Variants in EGLN1 observed in about 807,000 individuals in gnomAD.
The protein encoded by EGLN1 is egl-9 family hypoxia inducible factor 1.
EGLN1 carries 17 observed loss-of-function variants against 38.3 expected under a neutral mutation model. The ratio of observed to expected loss-of-function variants is 0.44; its 90% CI spans 0.30 to 0.67. The LOEUF (loss-of-function observed/expected upper bound fraction) is 0.67. EGLN1 is among the 30% of genes least tolerant of loss of function. The probability of loss-of-function intolerance (pLI) is 0.08; values close to 1 mark genes in which losing one functional copy is unlikely to be tolerated. For missense variants in EGLN1, 477 were observed against 603.3 expected (o/e 0.79, Z 2.19); for synonymous variants, 283 against 257.5 (o/e 1.10, Z -0.95).
intron 1 of EGLN1, among the ~76,000 whole-genome samples, chr1:231,385,845 A>AT (rs935901586): frequency 2.0e-5 from 3 of 151,970 alleles, no homozygotes; most frequent in African/African-American, 4.8e-5. Flanking sequence ...AAAGGAGCTG[A>AT]TTTTTTTCTT....
At chr1:231,409,020 AAAAC>A (rs1051776809) in intron 1 of EGLN1, among the ~76,000 whole-genome samples, 11 of 152,266 alleles carry the variant, frequency 7.2e-5, no homozygotes, top group South Asian at 4.1e-4. Context: ...AAAAAGAAAA[AAAAC>A]AAACAAACAG....
At chr1:231,396,199 C>T (rs1380371936) in intron 1 of EGLN1, among the ~76,000 whole-genome samples, 8 of 151,780 alleles carry the variant, frequency 5.3e-5, no homozygotes, top group Non-Finnish European at 1.0e-4. Flanking sequence ...CACATCCCCA[C>T]CCCCTTCCTC....
chr1:231,400,587 C>T (rs59485925), intron 1 of EGLN1, among the ~76,000 whole-genome samples: 1,801 of 152,230 alleles, frequency 0.012, 31 homozygotes, highest in African/African-American at 0.04. Flanking sequence ...GATTTGTATA[C>T]GATATCTGAA....
Position 231,366,374 on chromosome 1 carries a change from A to G in EGLN1, c.*37T>C, listed in dbSNP as rs770063599. 31 of 1,597,808 alleles carry G rather than the reference A, an allele frequency of 1.9e-5. No individual in the cohort carries two copies. The highest frequency in any genetic ancestry group is 2.7e-5 in the Non-Finnish European group (31 of 1,165,716). Reference sequence around the variant, plus strand: ...CACAAGTTAACAAATAGTTAACAATATTGTAGGTGAAGTGGGGTATTGCTG... The same window carrying G: ...CACAAGTTAACAAATAGTTAACAATGTTGTAGGTGAAGTGGGGTATTGCTG... On this transcript the variant is annotated 3_prime_UTR_variant, in exon 5 of 5. Coordinates refer to ENST00000366641, the MANE Select transcript of EGLN1 (RefSeq NM_022051.3).
chr1:231,374,385 G>T (rs1200004912), intron 1 of EGLN1, among the ~76,000 whole-genome samples: 1 of 152,152 alleles, frequency 6.6e-6, no homozygotes, highest in Non-Finnish European at 1.5e-5. Flanking sequence ...AGATAATCAA[G>T]ATCAAGTACG....
At chr1:231,374,135 G>A (rs764158356) in intron 1 of EGLN1, 36 bp from the exon 2 acceptor site, 3 of 1,602,156 alleles carry the variant, frequency 1.9e-6, no homozygotes, top group Non-Finnish European at 2.6e-6. Context: ...TAAAGTCCAT[G>A]TATAAATAAA....
At chr1:231,420,380 G>GT (rs1232357918) in intron 1 of EGLN1, 1 of 155,466 alleles carries the variant, frequency 6.4e-6, no homozygotes, top group Non-Finnish European at 1.4e-5. Flanking sequence ...TTTGTAACGG[G>GT]TTTCAAAACA....
In EGLN1 at chr1:231,421,372, G is replaced by A. The variant is rs1656589017; in HGVS notation, c.517C>T (p.Leu173=). The A allele has an allele frequency of 6.2e-7, 1 of 1,608,686 alleles. No homozygotes were observed. Among genetic ancestry groups the A allele is most frequent in the Non-Finnish European group, 8.5e-7 (1 of 1,177,424 alleles). Reference sequence around the variant, plus strand: ...GGCCGCAGGCCGCCGCCGGGGCTCAGCGCATCCCCGGGCGTGTTGCTTGGG... The same window carrying A: ...GGCCGCAGGCCGCCGCCGGGGCTCAACGCATCCCCGGGCGTGTTGCTTGGG... ...YPPSNTPGDA[L]SPGGGLRPNG... is the part of the protein sequence containing the mutation. Residue 173 remains leucine (L), a synonymous_variant, in exon 1 of 5, where the codon CTG becomes TTG. Transcript: ENST00000366641. This position sits in a 1 kb window ranked among gnomAD's most constrained non-coding sequence, Gnocchi z 5.5.
At chr1:231,379,230 T>A (rs1042363911) in intron 1 of EGLN1, among the ~76,000 whole-genome samples, 2 of 152,144 alleles carry the variant, frequency 1.3e-5, no homozygotes, top group Non-Finnish European at 2.9e-5. Flanking sequence ...TAATCCAGAC[T>A]CGTAAGCGGC....
chr1:231,417,342 T>C (rs1689112129), intron 1 of EGLN1, among the ~76,000 whole-genome samples: 1 of 152,214 alleles, frequency 6.6e-6, no homozygotes, highest in Non-Finnish European at 1.5e-5. Context: ...AAGTTTTGGA[T>C]TAAATTCCAA....
At chr1:231,402,447 T>A (rs1044998075) in intron 1 of EGLN1, among the ~76,000 whole-genome samples, 1 of 151,750 alleles carries the variant, frequency 6.6e-6, no homozygotes, top group Non-Finnish European at 1.5e-5. Context: ...CTTTTTTTTT[T>A]TTTTTGAGAT....
Position 231,374,078 on chromosome 1 carries a change from C to T in EGLN1, c.913G>A (p.Gly305Ser), listed in dbSNP as rs1448189328. 1 of 1,613,478 alleles carries T rather than the reference C, an allele frequency of 6.2e-7. No homozygotes were observed. The highest frequency in any genetic ancestry group is 2.2e-5 in the East Asian group (1 of 44,842). ...TGACGTACATAACCCGTTCCATTGC[C>T]CGGATAACAAGCAACCATGGCCTGT... is the stretch of plus-strand genomic sequence containing the variant. Reference protein sequence around the residue: ...RTKAMVACYPGNGTGYVRHVD... With the variant: ...RTKAMVACYPSNGTGYVRHVD... Residue 305 changes from glycine (G) to serine (S), a missense_variant, in exon 2 of 5, where the codon GGC (glycine) becomes AGC (serine). Coordinates refer to ENST00000366641, the MANE Select transcript of EGLN1 (RefSeq NM_022051.3).
At chr1:231,395,963 G>A (rs899298269) in intron 1 of EGLN1, among the ~76,000 whole-genome samples, 29 of 149,126 alleles carry the variant, frequency 1.9e-4, no homozygotes, top group African/African-American at 6.2e-4. Context: ...CCAACGCACC[G>A]CTTTCTGACT....
chr1:231,369,525 G>A, intron 3 of EGLN1: 1 of 980,372 alleles, frequency 1.0e-6, no homozygotes, highest in African/African-American at 1.7e-5. Context: ...ATCATGTGAT[G>A]TGACAGTCTT....
In EGLN1 at chr1:231,366,443, G is replaced by A. The variant is rs1371537700; in HGVS notation, c.1249C>T (p.Pro417Ser). The stretch of plus-strand genomic sequence containing the variant: ...ACGTCTTTACCGACCGAATCTGAAG[G>A]TTTATTGAGTTCAACCCTCACACCT... ...EKGVRVELNKPSDSVGKDVF is the reference protein window; with the variant it reads ...EKGVRVELNKSSDSVGKDVF The change falls in exon 5 of 5, where the codon CCT becomes TCT. Residue 417 changes from proline (P) to serine (S), a missense_variant. This residue lies in a region of EGLN1 where 59 missense variants were observed against 119.0 expected (regional missense o/e 0.50). Coordinates refer to ENST00000366641, the MANE Select transcript of EGLN1 (RefSeq NM_022051.3). 1 of 1,613,532 alleles carries A rather than the reference G, an allele frequency of 6.2e-7. No individual in the cohort carries two copies. The highest frequency in any genetic ancestry group is 8.5e-7 in the Non-Finnish European group (1 of 1,179,976).
Position 231,382,081 on chromosome 1 carries a change from T to G in EGLN1, c.892-7982A>C, listed in dbSNP as rs1188162429. Among the ~76,000 whole-genome samples, 3 of 152,308 alleles carry G rather than the reference T, an allele frequency of 2.0e-5. No homozygotes were observed. In the East Asian group the frequency reaches 5.8e-4, roughly 29 times the overall value. ...GTTGGAAGAGTCTGCAATTCGGCATTAAAAACAAAAATACAAACAGAACAA... is the reference window on the plus strand; with the variant it reads ...GTTGGAAGAGTCTGCAATTCGGCATGAAAAACAAAAATACAAACAGAACAA... On this transcript the variant is annotated intron_variant, in intron 1 of 4. Transcript: ENST00000366641.
intron 1 of EGLN1, among the ~76,000 whole-genome samples, chr1:231,398,217 A>T (rs1432475163): frequency 1.3e-5 from 2 of 152,264 alleles, no homozygotes; most frequent in Non-Finnish European, 2.9e-5. Context: ...CAAAAAGATA[A>T]TTAGTTCAAG....
rs996072419 is a variant in EGLN1, at chr1:231,421,856, CGGCCCGCCG to C, written c.24_32del (p.Gly9_Pro11del). On this transcript the variant is annotated inframe_deletion, in exon 1 of 5. Coordinates refer to ENST00000366641, the MANE Select transcript of EGLN1 (RefSeq NM_022051.3). The surrounding 1 kb of genome is among the most constrained non-coding windows in gnomAD (Gnocchi z 5.5). ...ACTGCCGGTCTCGCTCGCTCGGGCTCGGCCCGCCGGGCCCGCCGCTGTCATTGGCCATGG... is the reference window on the plus strand; with the variant it reads ...ACTGCCGGTCTCGCTCGCTCGGGCTCGGCCCGCCGCTGTCATTGGCCATGG... 14 of 1,485,860 alleles carry C rather than the reference CGGCCCGCCG, an allele frequency of 9.4e-6. No homozygotes were observed. Among genetic ancestry groups the C allele is most frequent in the Non-Finnish European group, 1.2e-5 (14 of 1,126,018 alleles). 92.0% of individuals were successfully genotyped at this position (1,485,860 alleles called of 1,614,324 possible). A position where few individuals can be genotyped will look rare whatever the true frequency, so the allele number is the denominator to read the frequency against.
At chr1:231,407,205 C>A (rs1429624877) in intron 1 of EGLN1, among the ~76,000 whole-genome samples, 4 of 152,160 alleles carry the variant, frequency 2.6e-5, no homozygotes, top group Admixed American at 6.5e-5. Context: ...CTACACTCCA[C>A]CATGGCCCTC....
Sources: gnomAD v4.1 joint callset for allele counts (sites outside exome capture counted in the v4.1 genomes callset) on GRCh38, gnomAD v4.1.1 for gene constraint, gnomAD v4.1.1 regional missense constraint, Gnocchi (gnomAD v3.1) non-coding constraint, MANE v1.5 for transcripts, NCBI Gene and HGNC (gene_info 2026-07-23, HGNC 2026-07-21) for gene names.